The following VPS53 variants were observed in gnomAD, a reference collection of about 807,000 sequenced individuals.
VPS53 encodes the protein VPS53 subunit of GARP complex.
Under a neutral mutation model 107.0 loss-of-function variants are expected in VPS53, and 70 were observed. The observed-to-expected ratio is 0.65, with a 90% CI of 0.54 to 0.80. The LOEUF (loss-of-function observed/expected upper bound fraction) is 0.80. VPS53 is among the 30% of genes least tolerant of loss of function. VPS53 has a pLI of 0.00. For synonymous variants in VPS53, 409 were observed against 393.3 expected, an observed-to-expected ratio of 1.04 and a Z score of -0.47; for missense variants, 917 against 1,049.4, an observed-to-expected ratio of 0.87 and a Z score of 1.74.
At chr17:638,410 T>C (rs1970285669) in intron 7 of VPS53, among the ~76,000 whole-genome samples, 2 of 152,250 alleles carry the variant, frequency 1.3e-5, no homozygotes, top group Admixed American at 6.5e-5. Context: ...ATTTAGCCCA[T>C]ATACATTTAA....
chr17:575,486 T>G (rs1196766339), intron 13 of VPS53, among the ~76,000 whole-genome samples: 1 of 150,242 alleles, frequency 6.7e-6, no homozygotes, highest in African/African-American at 2.5e-5. Context: ...CCCAGAGAAC[T>G]TCCCTCAGAA....
At chr17:574,196 G>A (rs1914416155) in intron 13 of VPS53, among the ~76,000 whole-genome samples, 1 of 152,178 alleles carries the variant, frequency 6.6e-6, no homozygotes, top group African/African-American at 2.4e-5. Flanking sequence ...AGCCTGCGCA[G>A]TATCTGCTCC....
chr17:642,919 C>A (rs71355288), intron 7 of VPS53, among the ~76,000 whole-genome samples: 30 of 88,660 alleles, frequency 3.4e-4, no homozygotes, highest in South Asian at 1.4e-3. Context: ...TCATACTTGG[C>A]AACCGAGGAC....
chr17:695,903 A>G (rs973077624), intron 4 of VPS53, among the ~76,000 whole-genome samples: 5 of 152,170 alleles, frequency 3.3e-5, no homozygotes, highest in Non-Finnish European at 7.3e-5. Flanking sequence ...GAGGTAGACA[A>G]TACGATCAAA....
intron 4 of VPS53, among the ~76,000 whole-genome samples, chr17:663,344 C>T (rs1971550692): frequency 6.6e-6 from 1 of 152,238 alleles, no homozygotes; most frequent in Non-Finnish European, 1.5e-5. Flanking sequence ...GCAGTTGTGA[C>T]ATGTGGAGAC....
chr17:711,869 T>C (rs1429458333), intron 1 of VPS53, among the ~76,000 whole-genome samples: 1 of 149,000 alleles, frequency 6.7e-6, no homozygotes, highest in Non-Finnish European at 1.5e-5. Context: ...CAGGCTGGAG[T>C]GCAGTAGCGC....
At chr17:608,824 G>A (rs1968706833) in intron 11 of VPS53, among the ~76,000 whole-genome samples, 1 of 151,688 alleles carries the variant, frequency 6.6e-6, no homozygotes, top group Admixed American at 6.6e-5. Flanking sequence ...CGTGGCCCAG[G>A]CTGGTCTCAA....
rs145953258 is a variant in VPS53 at position 553,336 on chromosome 17, T to G, written c.1787+44A>C. Reference sequence around the variant, plus strand: ...ATACGTGCTGCACGCTGCTGTGTAGTGGAGAAAGGGCAGGCAGCCAGTAAG... The same window carrying G: ...ATACGTGCTGCACGCTGCTGTGTAGGGGAGAAAGGGCAGGCAGCCAGTAAG... On this transcript the variant is annotated intron_variant, in intron 16 of 21. Transcript: ENST00000437048. The G allele has an allele frequency of 3.5e-3, 5,538 of 1,583,926 alleles. 197 individuals carry two copies. The Admixed American group carries it at 0.066, about 19-fold the overall frequency.
intron 11 of VPS53, among the ~76,000 whole-genome samples, chr17:606,598 G>GC (rs1384617593): frequency 1.3e-5 from 2 of 152,072 alleles, no homozygotes; most frequent in Non-Finnish European, 1.5e-5. Flanking sequence ...TTATAATGGA[G>GC]CCATACAATA....
At chr17:714,049 A>C (rs1420200581) in intron 1 of VPS53, 2 of 151,500 alleles carry the variant, frequency 1.3e-5, no homozygotes, top group Non-Finnish European at 2.9e-5. Flanking sequence ...CGTCTCAAAA[A>C]AAAAAAAAAA....
chr17:689,263 A>G lies in VPS53; in HGVS notation c.285+8155T>C, dbSNP rs1421019428. Among the ~76,000 whole-genome samples, 10 of 152,256 alleles carry G rather than the reference A, an allele frequency of 6.6e-5. No individual in the cohort carries two copies. The South Asian group carries it at 1.5e-3, about 22-fold the overall frequency. ...AATGACAAATTCAAAATCCCACATAATGAAGATCAATGCCATGCTGGGAAG... is the reference window on the plus strand; with the variant it reads ...AATGACAAATTCAAAATCCCACATAGTGAAGATCAATGCCATGCTGGGAAG... On this transcript the variant is annotated intron_variant, in intron 4 of 21. Coordinates refer to ENST00000437048, the MANE Select transcript of VPS53 (RefSeq NM_001128159.3).
chr17:551,616 A>G (rs962089217), intron 17 of VPS53: 2 of 253,164 alleles, frequency 7.9e-6, no homozygotes, highest in Non-Finnish European at 1.5e-5. Context: ...GACTCATCAA[A>G]CACATTTACT....
intron 17 of VPS53, among the ~76,000 whole-genome samples, chr17:549,470 G>A (rs1911608223): frequency 6.6e-6 from 1 of 152,094 alleles, no homozygotes; most frequent in Non-Finnish European, 1.5e-5. Context: ...GTGGGCACGG[G>A]GCAGAAGTGG....
chr17:541,853 C>G (rs1910707867), intron 17 of VPS53, among the ~76,000 whole-genome samples: 1 of 146,624 alleles, frequency 6.8e-6, no homozygotes, highest in African/African-American at 2.6e-5. Context: ...GCACCAGGGG[C>G]TGAAGGAATG....
chr17:635,696 C>T (rs1351529438), intron 7 of VPS53, among the ~76,000 whole-genome samples: 3 of 152,138 alleles, frequency 2.0e-5, no homozygotes, highest in African/African-American at 7.2e-5. Flanking sequence ...TGTCAAAGAT[C>T]AGATGGTTGT....
At chr17:607,760 A>G (rs563063928) in intron 11 of VPS53, among the ~76,000 whole-genome samples, 2 of 152,358 alleles carry the variant, frequency 1.3e-5, no homozygotes, top group Non-Finnish European at 2.9e-5. Flanking sequence ...GATATAGGAA[A>G]GCAAAATTCT....
At chr17:529,573 A>G (rs1263302947) in intron 19 of VPS53, among the ~76,000 whole-genome samples, 1 of 152,196 alleles carries the variant, frequency 6.6e-6, no homozygotes, top group East Asian at 1.9e-4. Context: ...GCAGGCTCAG[A>G]AAGACTCCAT....
intron 11 of VPS53, among the ~76,000 whole-genome samples, chr17:606,273 C>A (rs923149178): frequency 2.0e-5 from 3 of 152,100 alleles, no homozygotes; most frequent in African/African-American, 7.2e-5. Flanking sequence ...TGAGATGGGG[C>A]ACCCTCGTGT....
chr17:706,461 C>G (rs1973403844), intron 2 of VPS53, among the ~76,000 whole-genome samples: 1 of 150,026 alleles, frequency 6.7e-6, no homozygotes, highest in Non-Finnish European at 1.5e-5. Context: ...CGCTTGAACC[C>G]AGGAGTTGGA....
Sources: gnomAD v4.1 joint callset for allele counts (sites outside exome capture counted in the v4.1 genomes callset) on GRCh38, gnomAD v4.1.1 for gene constraint, MANE v1.5 for transcripts, NCBI Gene and HGNC (gene_info 2026-07-23, HGNC 2026-07-21) for gene names.